The following BTLA variants were observed in gnomAD, a reference collection of about 807,000 sequenced individuals.
The protein encoded by BTLA is B and T lymphocyte associated.
In BTLA, 11 loss-of-function variants were observed where a neutral mutation model predicts 25.0. The ratio of observed to expected loss-of-function variants is 0.44; its 90% CI spans 0.28 to 0.73. The LOEUF is 0.73. Among genes scored for constraint, BTLA ranks in the 30% least tolerant of loss-of-function variants. The pLI, the probability that BTLA is intolerant of heterozygous loss-of-function variation, is 0.15. For missense variants in BTLA, 282 were observed against 332.8 expected (o/e 0.85, Z 1.19); for synonymous variants, 104 against 119.8 (o/e 0.87, Z 0.86).
intron 1 of BTLA, among the ~76,000 whole-genome samples, chr3:112,491,669 TAAC>T (rs1057129577): frequency 2.0e-5 from 3 of 152,168 alleles, no homozygotes; most frequent in African/African-American, 7.2e-5. Context: ...GCTTGGCACA[TAAC>T]AACAACATAA....
intron 1 of BTLA, among the ~76,000 whole-genome samples, chr3:112,487,745 C>T (rs999380992): frequency 6.6e-6 from 1 of 152,200 alleles, no homozygotes; most frequent in Non-Finnish European, 1.5e-5. Context: ...TCTTACACCA[C>T]TTTTCAATTT....
At chr3:112,496,803 C>T (rs2082411591) in intron 1 of BTLA, among the ~76,000 whole-genome samples, 1 of 152,060 alleles carries the variant, frequency 6.6e-6, no homozygotes, top group South Asian at 2.1e-4. Flanking sequence ...TCTCAGCTCA[C>T]TGCAACCTCT....
chr3:112,489,928 T>G (rs2082370885), intron 1 of BTLA, among the ~76,000 whole-genome samples: 1 of 152,136 alleles, frequency 6.6e-6, no homozygotes, highest in South Asian at 2.1e-4. Flanking sequence ...AAATTAGAGT[T>G]TAGGGATCCC....
At chr3:112,469,288 A>G (rs1030118696) in intron 4 of BTLA, among the ~76,000 whole-genome samples, 8 of 152,120 alleles carry the variant, frequency 5.3e-5, no homozygotes, top group African/African-American at 1.4e-4. Context: ...TCATGTCTCT[A>G]TTTTGCTGGT....
At chr3:112,498,641 C>A (rs1311491856) in intron 1 of BTLA, among the ~76,000 whole-genome samples, 5 of 126,292 alleles carry the variant, frequency 4.0e-5, no homozygotes, top group Non-Finnish European at 7.9e-5. Context: ...TTTGCAGAAT[C>A]CAACTTATTT....
At chr3:112,470,620 G>T (rs746905302) in intron 3 of BTLA, among the ~76,000 whole-genome samples, 2 of 152,150 alleles carry the variant, frequency 1.3e-5, no homozygotes, top group Non-Finnish European at 2.9e-5. Flanking sequence ...AAAGTAGAAA[G>T]GAATTATTTT....
intron 1 of BTLA, among the ~76,000 whole-genome samples, chr3:112,485,676 C>T (rs2082343012): frequency 6.6e-6 from 1 of 152,198 alleles, no homozygotes; most frequent in African/African-American, 2.4e-5. Context: ...GATTCTCCTG[C>T]CTCAGCCTCC....
At chr3:112,477,985 C>T (rs1559825745) in intron 2 of BTLA, among the ~76,000 whole-genome samples, 1 of 148,032 alleles carries the variant, frequency 6.8e-6, no homozygotes, top group Non-Finnish European at 1.5e-5. Flanking sequence ...ATCTCTTTGT[C>T]TATCCATGAC....
intron 1 of BTLA, among the ~76,000 whole-genome samples, chr3:112,488,030 T>C (rs2633554): frequency 0.95 from 144,869 of 152,166 alleles, 69,354 homozygotes; most frequent in Non-Finnish European, 1. Flanking sequence ...CCATCAGCCA[T>C]GAAGTTCAAT....
intron 1 of BTLA, among the ~76,000 whole-genome samples, chr3:112,490,086 T>C (rs2082371866): frequency 6.6e-6 from 1 of 152,148 alleles, no homozygotes; most frequent in African/African-American, 2.4e-5. Flanking sequence ...GTAGCATACT[T>C]TCCCATCATA....
At position 112,466,242 on chromosome 3, in the gene BTLA, G is replaced by T; in HGVS notation, c.736C>A (p.Pro246Thr). The change falls in exon 5 of 5, where the codon CCA (proline) becomes ACA (threonine). Residue 246 changes from proline to threonine, a missense_variant. This residue lies in a region of BTLA where 119 missense variants were observed against 102.3 expected (regional missense o/e 1.16). Transcript: ENST00000334529. ...MQEGSEVYSN[P>T]CLEENKPGIV... is the part of the protein sequence containing the mutation. ...CCTGGTTTGTTTTCTTCCAGGCATGGATTAGAATAAACTTCAGACCCTTCC... is the reference window on the plus strand; with the variant it reads ...CCTGGTTTGTTTTCTTCCAGGCATGTATTAGAATAAACTTCAGACCCTTCC... 1.9e-6 allele frequency: 3 copies of T among 1,614,142 alleles called. No homozygotes were observed. Among genetic ancestry groups the T allele is most frequent in the Non-Finnish European group, 2.5e-6 (3 of 1,180,004 alleles).
intron 2 of BTLA, among the ~76,000 whole-genome samples, chr3:112,475,647 G>T (rs897660048): frequency 6.6e-6 from 1 of 152,086 alleles, no homozygotes; most frequent in Non-Finnish European, 1.5e-5. Flanking sequence ...ATTAACTTCT[G>T]ACCTTTCATC....
rs998220175 is a variant in BTLA at position 112,499,420 on chromosome 3, G to C, written c.-62C>G. On this transcript the variant is annotated 5_prime_UTR_variant, in exon 1 of 5. Coordinates refer to ENST00000334529, the MANE Select transcript of BTLA (RefSeq NM_181780.4). ...TAGAAGGCTTTGCTTCGTCTTCTGA[G>C]TGCTGCAGAGTTGGGTCAGTTTACC... is the stretch of plus-strand genomic sequence containing the variant. 1.4e-6 allele frequency: 2 copies of C among 1,428,018 alleles called. No homozygotes were observed. Among genetic ancestry groups the C allele is most frequent in the African/African-American group, 1.4e-5 (1 of 69,982 alleles). 88.5% of individuals were successfully genotyped at this position (1,428,018 alleles called of 1,614,324 possible).
In BTLA at chr3:112,464,132, A is replaced by T. The variant is rs972494360; in HGVS notation, c.*1976T>A. On this transcript the variant is annotated 3_prime_UTR_variant, in exon 5 of 5. Transcript: ENST00000334529. ...TAGTGAAGTAGAGTCATTTGGGAAA[A>T]TGCATGTATGTCTCTGACACCATTT... is the stretch of plus-strand genomic sequence containing the variant. 8 of 397,978 alleles carry T rather than the reference A, an allele frequency of 2.0e-5. No individual in the cohort carries two copies. Among genetic ancestry groups the T allele is most frequent in the South Asian group, 2.5e-4 (2 of 7,856 alleles). 24.7% of individuals were successfully genotyped at this position (397,978 alleles called of 1,614,324 possible). A position where few individuals can be genotyped will look rare whatever the true frequency, so the allele number is the denominator to read the frequency against.
In BTLA at chr3:112,471,269, A is replaced by C; in HGVS notation, c.490T>G (p.Leu164Val). 1 of 1,614,132 alleles carries C rather than the reference A, an allele frequency of 6.2e-7. No individual in the cohort carries two copies. Among genetic ancestry groups the C allele is most frequent in the Non-Finnish European group, 8.5e-7 (1 of 1,179,982 alleles). ...AAACAGGTAGTGATGAGTAGAGGCA[A>C]TCCCCCCAAAGGAAGTAAACGATAC... Reference protein sequence around the residue: ...LLYRLLPLGGLPLLITTCFCL... With the variant: ...LLYRLLPLGGVPLLITTCFCL... Residue 164 changes from leucine (L) to valine (V), a missense_variant, in exon 3 of 5, where the codon TTG (leucine) becomes GTG (valine). Physicochemically the swap from Leu to Val is conservative, Grantham distance 32 (BLOSUM62 1). This residue lies in a region of BTLA where 163 missense variants were observed against 230.4 expected (regional missense o/e 0.71). Transcript: ENST00000334529.
intron 1 of BTLA, among the ~76,000 whole-genome samples, chr3:112,491,774 T>G (rs1471715915): frequency 6.6e-6 from 1 of 152,180 alleles, no homozygotes; most frequent in Admixed American, 6.5e-5. Flanking sequence ...AGCCTATGAA[T>G]GGTAAAGACA....
intron 1 of BTLA, among the ~76,000 whole-genome samples, chr3:112,486,956 A>G (rs1374199686): frequency 6.6e-6 from 1 of 152,206 alleles, no homozygotes; most frequent in Non-Finnish European, 1.5e-5. Flanking sequence ...GAAAGGCTGG[A>G]GTATGTAGTA....
chr3:112,496,832 A>G (rs1366398473), intron 1 of BTLA, among the ~76,000 whole-genome samples: 3 of 151,706 alleles, frequency 2.0e-5, no homozygotes, highest in African/African-American at 7.3e-5. Context: ...GGTTCAAGCT[A>G]TTCTCCTGTC....
At chr3:112,488,613 C>T (rs1437283343) in intron 1 of BTLA, among the ~76,000 whole-genome samples, 1 of 151,296 alleles carries the variant, frequency 6.6e-6, no homozygotes, top group Non-Finnish European at 1.5e-5. Context: ...TGCATCACTC[C>T]TTTTTTGTTG....
Sources: allele counts gnomAD v4.1 joint callset (sites outside exome capture counted in the v4.1 genomes callset), GRCh38; gene constraint gnomAD v4.1.1; regional missense constraint gnomAD v4.1.1; transcripts MANE v1.5; gene names NCBI Gene and HGNC (gene_info 2026-07-23, HGNC 2026-07-21).